Variants in PRKAR1A observed in about 807,000 individuals in gnomAD.
PRKAR1A encodes protein kinase cAMP-dependent type I regulatory subunit alpha.
Under a neutral mutation model 52.0 loss-of-function variants are expected in PRKAR1A, and 3 were observed. The observed-to-expected ratio is 0.06, with a 90% CI of 0.03 to 0.15. PRKAR1A has a LOEUF of 0.15. Ranked by LOEUF, PRKAR1A falls within the 10% of genes least tolerant of loss-of-function variation. The pLI, the probability that PRKAR1A is intolerant of heterozygous loss-of-function variation, is 1.00. For synonymous variants in PRKAR1A, 188 were observed against 168.4 expected, an observed-to-expected ratio of 1.12 and a Z score of -0.90; for missense variants, 240 against 477.4, an observed-to-expected ratio of 0.50 and a Z score of 4.63.
At chr17:68,515,725 G>A in intron 2 of PRKAR1A, 149 bp downstream of exon 2, 2 of 974,882 alleles carry the variant, frequency 2.1e-6, no homozygotes, top group African/African-American at 1.7e-5. Context: ...TACAGTTAAG[G>A]CATTTGTAGT....
the PRKAR1A span, chr17:68,433,331 C>G: frequency 1.2e-6 from 1 of 837,128 alleles, no homozygotes; most frequent in East Asian, 2.6e-5. Context: ...CTAACACACA[C>G]TCCATCACTT....
chr17:68,504,748 A>T, the PRKAR1A span, among the ~76,000 whole-genome samples: 1 of 152,208 alleles, frequency 6.6e-6, no homozygotes, highest in Admixed American at 6.5e-5. Flanking sequence ...AAAACTAGTT[A>T]GAAAGGATGA....
At chr17:68,484,616 C>G in the PRKAR1A span, among the ~76,000 whole-genome samples, 1 of 152,096 alleles carries the variant, frequency 6.6e-6, no homozygotes. Flanking sequence ...TTGACTTGAT[C>G]CTGATCTTAG....
chr17:68,529,447 C>T (rs1177930805), intron 9 of PRKAR1A, among the ~76,000 whole-genome samples: 1 of 152,214 alleles, frequency 6.6e-6, no homozygotes, highest in Admixed American at 6.5e-5. Context: ...TGGCAGATTT[C>T]TATGAATGTG....
the PRKAR1A span, among the ~76,000 whole-genome samples, chr17:68,447,296 T>C: frequency 2.6e-5 from 4 of 152,192 alleles, no homozygotes; most frequent in African/African-American, 9.7e-5. Context: ...ATAAAATATA[T>C]TTCCTCAGTT....
upstream of PRKAR1A, among the ~76,000 whole-genome samples, chr17:68,507,811 G>T (rs549692122): frequency 6.6e-6 from 1 of 152,228 alleles, no homozygotes; most frequent in East Asian, 1.9e-4. Context: ...AGGCCTAGGA[G>T]ATTAGTATTC....
At chr17:68,484,351 G>A in the PRKAR1A span, among the ~76,000 whole-genome samples, 228 of 152,044 alleles carry the variant, frequency 1.5e-3, no homozygotes, top group Non-Finnish European at 2.8e-3. Context: ...ATTAGAAATG[G>A]GAGTTTTAAA....
chr17:68,538,220 G>A (rs1162843481), downstream of PRKAR1A, among the ~76,000 whole-genome samples: 1 of 152,182 alleles, frequency 6.6e-6, no homozygotes, highest in East Asian at 1.9e-4. Flanking sequence ...AAATGTGGTA[G>A]GACCCATCTT....
chr17:68,506,278 TTGCCCATTAGTTCCTC>T, the PRKAR1A span, among the ~76,000 whole-genome samples: 1 of 152,074 alleles, frequency 6.6e-6, no homozygotes, highest in Non-Finnish European at 1.5e-5. Context: ...CCATGCTCTC[TTGCCCATTAGTTCCTC>T]TACCTGAAAT....
chr17:68,414,341 G>T, the PRKAR1A span, among the ~76,000 whole-genome samples: 1 of 152,072 alleles, frequency 6.6e-6, no homozygotes, highest in Non-Finnish European at 1.5e-5. Flanking sequence ...ACATTTATTG[G>T]TATATGTTAA....
downstream of PRKAR1A, chr17:68,536,027 G>A (rs543541878): frequency 2.9e-5 from 13 of 454,128 alleles, no homozygotes; most frequent in East Asian, 2.8e-4. Flanking sequence ...CTTCTGTAGC[G>A]TTGGTGAGTG....
intron 10 of PRKAR1A, 106 bp from the exon 11 acceptor site, chr17:68,530,171 A>C: frequency 6.6e-7 from 1 of 1,517,220 alleles, no homozygotes; most frequent in Non-Finnish European, 9.1e-7. Context: ...CATTTAATGA[A>C]ATTACTGATT....
downstream of PRKAR1A, chr17:68,535,298 C>G (rs2086068920): frequency 2.2e-6 from 1 of 453,968 alleles, no homozygotes; most frequent in South Asian, 1.6e-5. Context: ...GTAGGTGTAC[C>G]ACATATCATG....
At chr17:68,518,688 A>G (rs911499385) in intron 2 of PRKAR1A, among the ~76,000 whole-genome samples, 5 of 152,114 alleles carry the variant, frequency 3.3e-5, no homozygotes, top group African/African-American at 7.3e-5. Context: ...CATGCCCTGG[A>G]GACATTTTCC....
At chr17:68,496,295 G>A in the PRKAR1A span, among the ~76,000 whole-genome samples, 2 of 151,256 alleles carry the variant, frequency 1.3e-5, no homozygotes, top group Admixed American at 6.6e-5. Context: ...ACCTCCCTTG[G>A]CCTCCCAAAG....
At chr17:68,419,347 T>C in the PRKAR1A span, among the ~76,000 whole-genome samples, 187 of 151,904 alleles carry the variant, frequency 1.2e-3, 1 homozygote, top group African/African-American at 4.3e-3. Context: ...GATCATGAGG[T>C]TAGGAGTTCG....
At chr17:68,548,968 G>A (rs968835250) in intron 11 of PRKAR1A, among the ~76,000 whole-genome samples, 12 of 151,844 alleles carry the variant, frequency 7.9e-5, no homozygotes, top group East Asian at 7.9e-4. Context: ...TCCTGACCTC[G>A]TGATCTGCCC....
At chr17:68,507,167 A>G (rs2085208816), upstream of PRKAR1A, among the ~76,000 whole-genome samples, 1 of 152,270 alleles carries the variant, frequency 6.6e-6, no homozygotes, top group Non-Finnish European at 1.5e-5. Flanking sequence ...AAAAACAAAG[A>G]AAGTTACTGA....
At chr17:68,504,698 CGGTGGAG>C in the PRKAR1A span, among the ~76,000 whole-genome samples, 1 of 151,824 alleles carries the variant, frequency 6.6e-6, no homozygotes, top group South Asian at 2.1e-4. Context: ...GGAAGTGTAG[CGGTGGAG>C]GGTGGAGGGG....
Sources: allele counts gnomAD v4.1 joint callset (sites outside exome capture counted in the v4.1 genomes callset), GRCh38; gene constraint gnomAD v4.1.1; transcripts MANE v1.5; gene names NCBI Gene and HGNC (gene_info 2026-07-23, HGNC 2026-07-21).